Variants in PDE3A observed in about 807,000 individuals in gnomAD.
PDE3A encodes the protein cGMP-inhibited 3',5'-cyclic phosphodiesterase 3A.
PDE3A carries 43 observed loss-of-function variants against 98.3 expected under a neutral mutation model. The ratio of observed to expected loss-of-function variants is 0.44; its 90% confidence interval spans 0.34 to 0.56. PDE3A has a LOEUF of 0.56. Ranked by LOEUF, PDE3A falls within the 20% of genes least tolerant of loss-of-function variation. PDE3A has a pLI of 0.01. For missense variants in PDE3A, 1,427 were observed against 1,440.7 expected, an observed-to-expected ratio of 0.99 and a Z score of 0.15; for synonymous variants, 663 against 567.9, an observed-to-expected ratio of 1.17 and a Z score of -2.38.
chr12:20,646,747 T>A lies in PDE3A; in HGVS notation c.2366-4T>A. On this transcript the variant is annotated splice_polypyrimidine_tract_variant and splice_region_variant and intron_variant, in intron 11 of 15. Coordinates refer to ENST00000359062, the MANE Select transcript of PDE3A (RefSeq NM_000921.5). ...CTTCTTTGACTCTCATTTTCTCTTC[T>A]CAGATTCTGACAGTGGATTTACACA... 6.3e-7 allele frequency: 1 copy of A among 1,591,406 alleles called. No individual in the cohort carries two copies. Among genetic ancestry groups the A allele is most frequent in the Non-Finnish European group, 8.6e-7 (1 of 1,159,552 alleles).
At chr12:20,493,129 A>G (rs1394032394) in intron 1 of PDE3A, among the ~76,000 whole-genome samples, 1 of 152,194 alleles carries the variant, frequency 6.6e-6, no homozygotes, top group Non-Finnish European at 1.5e-5. Context: ...AATATTGTTA[A>G]TAGTATCATT....
At position 20,526,342 on chromosome 12, in the gene PDE3A, A is replaced by G. The variant is rs1429045442; in HGVS notation, c.961-30318A>G. The stretch of plus-strand genomic sequence containing the variant: ...TTTTAAATGAGCCAGCAATATTTCA[A>G]TTTCATTGAGATTGCATTATATCAT... On this transcript the variant is annotated intron_variant, in intron 1 of 15. Coordinates refer to ENST00000359062, the MANE Select transcript of PDE3A (RefSeq NM_000921.5). Among the ~76,000 whole-genome samples, 4 of 152,178 alleles carry G rather than the reference A, an allele frequency of 2.6e-5. No homozygotes were observed. The East Asian group carries it at 7.7e-4, about 29-fold the overall frequency.
chr12:20,521,369 A>G (rs1946423613), intron 1 of PDE3A, among the ~76,000 whole-genome samples: 1 of 152,140 alleles, frequency 6.6e-6, no homozygotes, highest in South Asian at 2.1e-4. Context: ...AAAACCTTAG[A>G]TGTTGGGAGT....
At chr12:20,457,593 C>A (rs1945174163) in intron 1 of PDE3A, among the ~76,000 whole-genome samples, 1 of 150,794 alleles carries the variant, frequency 6.6e-6, no homozygotes, top group Non-Finnish European at 1.5e-5. Context: ...TAGTGATTGA[C>A]CCAGAATAGA....
chr12:20,647,096 CTG>C, intron 12 of PDE3A, 146 bp downstream of exon 12: 1 of 605,720 alleles, frequency 1.7e-6, no homozygotes, highest in Non-Finnish European at 2.9e-6. Context: ...CGTGCTAATT[CTG>C]AAAAGAAGCC....
At chr12:20,528,098 G>T (rs115867018) in intron 1 of PDE3A, among the ~76,000 whole-genome samples, 1 of 152,226 alleles carries the variant, frequency 6.6e-6, no homozygotes, top group African/African-American at 2.4e-5. Flanking sequence ...GCTTTGTAAT[G>T]CCCTGACAAC....
intron 1 of PDE3A, among the ~76,000 whole-genome samples, chr12:20,523,789 A>G (rs543873721): frequency 6.6e-6 from 1 of 152,334 alleles, no homozygotes; most frequent in African/African-American, 2.4e-5. Flanking sequence ...TGTTTTTAAA[A>G]TTTGAATTAT....
At chr12:20,371,350 A>G (rs1053820583) in intron 1 of PDE3A, 39 of 985,102 alleles carry the variant, frequency 4.0e-5, no homozygotes, top group Non-Finnish European at 4.7e-5. Context: ...TGGATTTGAC[A>G]CTTGATGGGG....
chr12:20,592,534 C>G (rs1943365270), intron 2 of PDE3A, among the ~76,000 whole-genome samples: 1 of 152,106 alleles, frequency 6.6e-6, no homozygotes, highest in African/African-American at 2.4e-5. Context: ...ATAACGAAAG[C>G]CACTTTCTGT....
At chr12:20,549,563 C>T (rs1942143608) in intron 1 of PDE3A, among the ~76,000 whole-genome samples, 1 of 151,960 alleles carries the variant, frequency 6.6e-6, no homozygotes, top group Non-Finnish European at 1.5e-5. Context: ...GACTGTAGAA[C>T]ATTACAGTAT....
intron 2 of PDE3A, among the ~76,000 whole-genome samples, chr12:20,569,489 G>A (rs1024982393): frequency 6.6e-6 from 1 of 151,980 alleles, no homozygotes; most frequent in Admixed American, 6.6e-5. Flanking sequence ...AATAGTTTTT[G>A]CAGAACAAAA....
intron 1 of PDE3A, among the ~76,000 whole-genome samples, chr12:20,534,310 G>A (rs207472717): frequency 6.6e-5 from 10 of 152,216 alleles, no homozygotes; most frequent in East Asian, 1.9e-4. Context: ...GTTAATATAC[G>A]CAATATGGAT....
chr12:20,684,816 G>C lies in PDE3A; in HGVS notation c.*4545G>C, dbSNP rs989529335. Reference sequence around the variant, plus strand: ...TCTGGAAGATATTCAAATTCTTATTGGGAATGAATTACACTACAAACAATG... The same window carrying C: ...TCTGGAAGATATTCAAATTCTTATTCGGAATGAATTACACTACAAACAATG... On this transcript the variant is annotated 3_prime_UTR_variant, in exon 16 of 16. Transcript: ENST00000359062. 2.6e-5 allele frequency among the ~76,000 whole-genome samples: 4 copies of C among 152,062 alleles called. No homozygotes were observed. Among genetic ancestry groups the C allele is most frequent in the African/African-American group, 7.2e-5 (3 of 41,396 alleles).
At chr12:20,594,239 G>A (rs1256077840) in intron 2 of PDE3A, among the ~76,000 whole-genome samples, 2 of 152,024 alleles carry the variant, frequency 1.3e-5, no homozygotes, top group African/African-American at 2.4e-5. Context: ...AGGAAAAAGC[G>A]AGGAGGAAAA....
At chr12:20,554,858 G>T (rs1413202205) in intron 1 of PDE3A, among the ~76,000 whole-genome samples, 1 of 151,866 alleles carries the variant, frequency 6.6e-6, no homozygotes, top group African/African-American at 2.4e-5. Context: ...AAATATTTTT[G>T]ATGTTTTCTT....
At chr12:20,383,497 T>C (rs2120555827) in intron 1 of PDE3A, among the ~76,000 whole-genome samples, 1 of 152,078 alleles carries the variant, frequency 6.6e-6, no homozygotes, top group Non-Finnish European at 1.5e-5. Context: ...GCTGTCTCTT[T>C]TTACCAGCTT....
At chr12:20,608,811 T>C (rs1474637473) in intron 2 of PDE3A, among the ~76,000 whole-genome samples, 1 of 152,052 alleles carries the variant, frequency 6.6e-6, no homozygotes, top group African/African-American at 2.4e-5. Flanking sequence ...AGATTTTGTA[T>C]ACTGAGAACA....
At chr12:20,657,242 C>T (rs1592153734) in intron 15 of PDE3A, among the ~76,000 whole-genome samples, 1 of 152,234 alleles carries the variant, frequency 6.6e-6, no homozygotes, top group East Asian at 1.9e-4. Context: ...CCTCACTTTA[C>T]ATATATTAAA....
rs549926066 is a variant in PDE3A, at chr12:20,687,302, T to A, written c.*7031T>A. Among the ~76,000 whole-genome samples, 1 of 152,218 alleles carries A rather than the reference T, an allele frequency of 6.6e-6. No homozygotes were observed. The highest frequency in any genetic ancestry group is 1.9e-4 in the East Asian group (1 of 5,172). On this transcript the variant is annotated 3_prime_UTR_variant, in exon 16 of 16. Transcript: ENST00000359062. ...ATCTTATATCAGCGATGATTTCATT[T>A]TAACTATTTATAAGGATAATTTAGT...
Sources: allele counts gnomAD v4.1 joint callset (sites outside exome capture counted in the v4.1 genomes callset), GRCh38; gene constraint gnomAD v4.1.1; transcripts MANE v1.5; gene names NCBI Gene and HGNC (gene_info 2026-07-23, HGNC 2026-07-21).